NRXN3: variants seen among roughly 807,000 people sequenced by gnomAD.
The protein encoded by NRXN3 is neurexin III.
In NRXN3, 32 loss-of-function variants were observed where a neutral mutation model predicts 137.6. The ratio of observed to expected loss-of-function variants is 0.23; its 90% CI spans 0.18 to 0.31. The LOEUF is 0.31. Among genes scored for constraint, NRXN3 ranks in the 10% least tolerant of loss-of-function variants. NRXN3 has a pLI of 1.00. For synonymous variants in NRXN3, 798 were observed against 784.5 expected (o/e 1.02, Z -0.29); for missense variants, 1,574 against 2,062.5 (o/e 0.76, Z 4.59).
chr14:79,419,337 T>C (rs769458995), intron 15 of NRXN3, among the ~76,000 whole-genome samples: 1 of 152,080 alleles, frequency 6.6e-6, no homozygotes, highest in Non-Finnish European at 1.5e-5. Flanking sequence ...TAAGACAAAA[T>C]GGATGAATTG....
chr14:78,831,733 C>A (rs2098982959), intron 10 of NRXN3, among the ~76,000 whole-genome samples: 1 of 151,844 alleles, frequency 6.6e-6, no homozygotes. Context: ...AATGTAATTA[C>A]CATCACTATT....
At chr14:79,283,086 G>C (rs1379577332) in intron 15 of NRXN3, among the ~76,000 whole-genome samples, 2 of 152,166 alleles carry the variant, frequency 1.3e-5, no homozygotes, top group Non-Finnish European at 2.9e-5. Context: ...CCAAGACAAA[G>C]ACCTAGCTAA....
chr14:78,855,150 G>A lies in NRXN3; in HGVS notation c.2275+44806G>A, dbSNP rs189167478. 2.1e-3 allele frequency among the ~76,000 whole-genome samples: 315 copies of A among 148,356 alleles called. 2 individuals are homozygous for A. The highest frequency in any genetic ancestry group is 7.5e-3 in the African/African-American group (295 of 39,578). On this transcript the variant is annotated intron_variant, in intron 10 of 20. Coordinates refer to ENST00000335750, the MANE Select transcript of NRXN3 (RefSeq NM_001330195.2). ...CTGCACTCCAGCTTGGGGACAGAGC[G>A]AGACTGCATCTCAAAAAAAAAAAAA... is the stretch of plus-strand genomic sequence containing the variant.
chr14:79,584,386 C>G (rs776425068), intron 16 of NRXN3, among the ~76,000 whole-genome samples: 5 of 152,156 alleles, frequency 3.3e-5, no homozygotes, highest in African/African-American at 4.8e-5. Context: ...ATACCCTACT[C>G]TTCACAGATG....
intron 16 of NRXN3, among the ~76,000 whole-genome samples, chr14:79,626,913 A>G (rs1242007651): frequency 6.6e-6 from 1 of 152,222 alleles, no homozygotes; most frequent in African/African-American, 2.4e-5. Context: ...GACAGCTACG[A>G]TTAATATATT....
At chr14:79,616,100 C>A (rs753293136) in intron 16 of NRXN3, among the ~76,000 whole-genome samples, 1 of 151,942 alleles carries the variant, frequency 6.6e-6, no homozygotes, top group Non-Finnish European at 1.5e-5. Flanking sequence ...CAATTGACAA[C>A]GGGGAGCTCT....
intron 2 of NRXN3, among the ~76,000 whole-genome samples, chr14:78,276,389 C>T (rs1039550908): frequency 6.6e-6 from 1 of 152,174 alleles, no homozygotes; most frequent in African/African-American, 2.4e-5. Context: ...TCACTGGCTT[C>T]ATTCCTGTGA....
chr14:78,616,775 G>T (rs2097351320), intron 4 of NRXN3, among the ~76,000 whole-genome samples: 1 of 152,158 alleles, frequency 6.6e-6, no homozygotes, highest in South Asian at 2.1e-4. Context: ...ATTACCTTTG[G>T]TTTTGTTCTT....
At chr14:78,615,784 C>A (rs1206466402) in intron 4 of NRXN3, among the ~76,000 whole-genome samples, 1 of 151,834 alleles carries the variant, frequency 6.6e-6, no homozygotes, top group African/African-American at 2.4e-5. Flanking sequence ...CCAAAAAAAA[C>A]AAAACAATTA....
intron 15 of NRXN3, among the ~76,000 whole-genome samples, chr14:79,210,868 G>A (rs1221802592): frequency 6.6e-6 from 1 of 152,080 alleles, no homozygotes; most frequent in Non-Finnish European, 1.5e-5. Flanking sequence ...CAGTGGGCTG[G>A]TAATCCCTAT....
At chr14:78,915,132 A>G (rs763126921) in intron 10 of NRXN3, among the ~76,000 whole-genome samples, 16 of 152,114 alleles carry the variant, frequency 1.1e-4, no homozygotes, top group Non-Finnish European at 2.2e-4. Flanking sequence ...CTGAGGCTCA[A>G]TAAATTGCCT....
intron 15 of NRXN3, among the ~76,000 whole-genome samples, chr14:79,366,793 T>C (rs1197262311): frequency 1.3e-5 from 2 of 152,208 alleles, no homozygotes; most frequent in Non-Finnish European, 1.5e-5. Context: ...TTTGAATGAA[T>C]GTATGCATTT....
intron 15 of NRXN3, among the ~76,000 whole-genome samples, chr14:79,461,768 A>G (rs2096345078): frequency 6.6e-6 from 1 of 152,210 alleles, no homozygotes; most frequent in Admixed American, 6.5e-5. Context: ...TTTATTTTCC[A>G]AAAGGATTTA....
chr14:79,734,606 A>G (rs1211678692), intron 19 of NRXN3, among the ~76,000 whole-genome samples: 1 of 152,240 alleles, frequency 6.6e-6, no homozygotes, highest in African/African-American at 2.4e-5. Flanking sequence ...ACAAGAAACA[A>G]AAATTACTCA....
chr14:79,167,876 C>T (rs1386494580), intron 15 of NRXN3, among the ~76,000 whole-genome samples: 1 of 151,708 alleles, frequency 6.6e-6, no homozygotes, highest in Non-Finnish European at 1.5e-5. Context: ...TGGGTCCTAC[C>T]CTTCTCATAT....
intron 20 of NRXN3, among the ~76,000 whole-genome samples, chr14:79,835,130 AAAT>A (rs1449298405): frequency 6.6e-6 from 1 of 152,170 alleles, no homozygotes; most frequent in African/African-American, 2.4e-5. Flanking sequence ...TGACCATAGC[AAAT>A]AATAACATCT....
chr14:79,158,470 T>A (rs1308579445), intron 15 of NRXN3, among the ~76,000 whole-genome samples: 3 of 151,808 alleles, frequency 2.0e-5, no homozygotes, highest in Non-Finnish European at 4.4e-5. Context: ...AAAGAAATAT[T>A]ATTTGGAAGA....
chr14:78,445,578 T>C (rs1191145400), intron 4 of NRXN3, among the ~76,000 whole-genome samples: 1 of 152,206 alleles, frequency 6.6e-6, no homozygotes, highest in Non-Finnish European at 1.5e-5. Flanking sequence ...CCATGTTCTC[T>C]GTTCTACAGT....
intron 20 of NRXN3, among the ~76,000 whole-genome samples, chr14:79,839,089 C>T (rs562389026): frequency 1.2e-4 from 19 of 152,222 alleles, no homozygotes; most frequent in African/African-American, 2.9e-4. Context: ...GAGAAGTAGA[C>T]AGGTTGTTTC....
Sources: allele counts gnomAD v4.1 joint callset (sites outside exome capture counted in the v4.1 genomes callset), GRCh38; gene constraint gnomAD v4.1.1; transcripts MANE v1.5; gene names NCBI Gene and HGNC (gene_info 2026-07-23, HGNC 2026-07-21).